ADAMTS12: variants seen among roughly 807,000 people sequenced by gnomAD.
ADAMTS12 encodes A disintegrin and metalloproteinase with thrombospondin motifs 12.
A neutral mutation model predicts 167.8 loss-of-function variants in ADAMTS12; 118 were observed. The observed-to-expected ratio is 0.70, with a 90% CI of 0.61 to 0.82. The LOEUF (loss-of-function observed/expected upper bound fraction) is 0.82, where lower values mean the gene tolerates loss of function less well. Among genes scored for constraint, ADAMTS12 ranks in the 40% least tolerant of loss-of-function variants. The probability of loss-of-function intolerance (pLI) is 0.00; values close to 1 mark genes in which losing one functional copy is unlikely to be tolerated. For synonymous variants in ADAMTS12, 704 were observed against 716.9 expected (o/e 0.98, Z 0.29); for missense variants, 1,916 against 1,998.8 (o/e 0.96, Z 0.79).
At chr5:33,772,739 C>T (rs1190557082) in intron 2 of ADAMTS12, among the ~76,000 whole-genome samples, 1 of 152,150 alleles carries the variant, frequency 6.6e-6, no homozygotes, top group African/African-American at 2.4e-5. Flanking sequence ...TGAGCTAATC[C>T]TGGATGAGTT....
rs145233668 is a variant in ADAMTS12 at position 33,796,247 on chromosome 5, T to G, written c.490-44699A>C. ...CAACAATCACAGAGTTCATCACCAG[T>G]AGGTGCTGGAGGATGCATCAGTAAA... is the stretch of plus-strand genomic sequence containing the variant. On this transcript the variant is annotated intron_variant, in intron 2 of 23. Coordinates refer to ENST00000504830, the MANE Select transcript of ADAMTS12 (RefSeq NM_030955.4). 8.7e-4 allele frequency among the ~76,000 whole-genome samples: 133 copies of G among 152,282 alleles called. 1 individual carries two copies. Among genetic ancestry groups the G allele is most frequent in the African/African-American group, 3.1e-3 (128 of 41,560 alleles).
intron 3 of ADAMTS12, among the ~76,000 whole-genome samples, chr5:33,750,699 C>T (rs1744942601): frequency 6.6e-6 from 1 of 152,148 alleles, no homozygotes; most frequent in African/African-American, 2.4e-5. Context: ...TTATCTCCTA[C>T]ACACTAAGAA....
intron 5 of ADAMTS12, among the ~76,000 whole-genome samples, chr5:33,680,791 C>T (rs1157876245): frequency 2.0e-5 from 3 of 152,254 alleles, no homozygotes; most frequent in Non-Finnish European, 2.9e-5. Context: ...AAAACTGATG[C>T]AGCTATAGCC....
chr5:33,883,332 T>G (rs1272630748), intron 1 of ADAMTS12, among the ~76,000 whole-genome samples: 3 of 133,908 alleles, frequency 2.2e-5, no homozygotes, highest in Non-Finnish European at 4.9e-5. Context: ...TTTTTGTTTT[T>G]TTTTTTTTTG....
intron 20 of ADAMTS12, among the ~76,000 whole-genome samples, chr5:33,549,716 T>G (rs1745161794): frequency 6.6e-6 from 1 of 152,228 alleles, no homozygotes; most frequent in African/African-American, 2.4e-5. Flanking sequence ...ACCCTGGGGC[T>G]GGAGTGCCTG....
chr5:33,659,945 G>A (rs1160959917), intron 6 of ADAMTS12, among the ~76,000 whole-genome samples: 4 of 152,308 alleles, frequency 2.6e-5, no homozygotes, highest in Admixed American at 6.5e-5. Context: ...AGGGACATTT[G>A]GCAATGTCTG....
chr5:33,793,761 A>T (rs987185423), intron 2 of ADAMTS12, among the ~76,000 whole-genome samples: 2 of 152,062 alleles, frequency 1.3e-5, no homozygotes, highest in African/African-American at 4.8e-5. Context: ...TCTCACTCCC[A>T]CCGTGCCCCC....
intron 2 of ADAMTS12, among the ~76,000 whole-genome samples, chr5:33,866,372 G>A (rs925795627): frequency 6.6e-6 from 1 of 152,108 alleles, no homozygotes; most frequent in African/African-American, 2.4e-5. Flanking sequence ...AATAAATGGT[G>A]CTGGGAAAAC....
At chr5:33,537,637 G>A (rs1036722592) in intron 22 of ADAMTS12, among the ~76,000 whole-genome samples, 3 of 152,206 alleles carry the variant, frequency 2.0e-5, no homozygotes, top group Non-Finnish European at 4.4e-5. Context: ...CAGAGATGAG[G>A]CTGTTGTGCC....
chr5:33,715,487 T>C (rs1210102868), intron 3 of ADAMTS12, among the ~76,000 whole-genome samples: 1 of 152,070 alleles, frequency 6.6e-6, no homozygotes, highest in East Asian at 1.9e-4. Flanking sequence ...ATATGAGTGA[T>C]TAAAACAAAG....
chr5:33,802,245 G>A (rs1747040156), intron 2 of ADAMTS12, among the ~76,000 whole-genome samples: 2 of 152,154 alleles, frequency 1.3e-5, no homozygotes. Context: ...AGCCCAAAAA[G>A]ACTAAGAGAA....
intron 3 of ADAMTS12, among the ~76,000 whole-genome samples, chr5:33,696,648 CT>C (rs1338531548): frequency 6.6e-6 from 1 of 152,102 alleles, no homozygotes; most frequent in African/African-American, 2.4e-5. Context: ...ATGCAGCTGG[CT>C]TTCCAGGAAA....
At chr5:33,612,753 G>A (rs1318196829) in intron 16 of ADAMTS12, among the ~76,000 whole-genome samples, 1 of 152,134 alleles carries the variant, frequency 6.6e-6, no homozygotes, top group Non-Finnish European at 1.5e-5. Flanking sequence ...GAGCAGTGGT[G>A]GGCAGTATGT....
intron 16 of ADAMTS12, among the ~76,000 whole-genome samples, chr5:33,598,828 G>A (rs1273121176): frequency 1.3e-5 from 2 of 152,180 alleles, no homozygotes; most frequent in African/African-American, 4.8e-5. Context: ...ATCCCTCACT[G>A]AGACACAGAG....
intron 13 of ADAMTS12, among the ~76,000 whole-genome samples, chr5:33,629,657 C>A (rs1469620301): frequency 6.6e-6 from 1 of 152,208 alleles, no homozygotes; most frequent in Admixed American, 6.5e-5. Flanking sequence ...GCAATGACAT[C>A]TGCCCAGCAA....
At chr5:33,770,213 G>A (rs570711960) in intron 2 of ADAMTS12, among the ~76,000 whole-genome samples, 1 of 152,150 alleles carries the variant, frequency 6.6e-6, no homozygotes, top group Non-Finnish European at 1.5e-5. Flanking sequence ...ATGGCCTTAT[G>A]TGCTGGATCC....
At chr5:33,729,794 A>G (rs1387546940) in intron 3 of ADAMTS12, among the ~76,000 whole-genome samples, 5 of 152,192 alleles carry the variant, frequency 3.3e-5, no homozygotes, top group African/African-American at 1.2e-4. Context: ...TTCTCTCTAA[A>G]TAAAGGAAGA....
chr5:33,670,761 C>A (rs181378593), intron 5 of ADAMTS12, among the ~76,000 whole-genome samples: 2 of 152,280 alleles, frequency 1.3e-5, no homozygotes, highest in Admixed American at 1.3e-4. Flanking sequence ...AACAAACAGA[C>A]AAACAAAACC....
At chr5:33,670,312 C>T (rs1453226584) in intron 5 of ADAMTS12, among the ~76,000 whole-genome samples, 1 of 152,070 alleles carries the variant, frequency 6.6e-6, no homozygotes, top group Non-Finnish European at 1.5e-5. Flanking sequence ...ACACATTTAC[C>T]AGAATGGGTA....
Sources: allele counts gnomAD v4.1 joint callset (sites outside exome capture counted in the v4.1 genomes callset), GRCh38; gene constraint gnomAD v4.1.1; transcripts MANE v1.5; gene names NCBI Gene and HGNC (gene_info 2026-07-23, HGNC 2026-07-21).